KLHL7: variants seen among roughly 807,000 people sequenced by gnomAD.
The protein encoded by KLHL7 is kelch like family member 7.
KLHL7 carries 44 observed loss-of-function variants against 67.4 expected under a neutral mutation model. That is an observed-to-expected ratio of 0.65 (90% CI 0.51 to 0.84). KLHL7 has a LOEUF of 0.84. Ranked by LOEUF, KLHL7 falls within the 40% of genes least tolerant of loss-of-function variation. The pLI, the probability that KLHL7 is intolerant of heterozygous loss-of-function variation, is 0.00. For missense variants in KLHL7, 362 were observed against 718.1 expected (o/e 0.50, Z 5.67); for synonymous variants, 252 against 243.3 (o/e 1.04, Z -0.33).
intron 9 of KLHL7, among the ~76,000 whole-genome samples, chr7:23,168,734 G>A (rs1326477200): frequency 1.3e-5 from 2 of 152,100 alleles, no homozygotes; most frequent in African/African-American, 2.4e-5. Context: ...TACCCTAGTC[G>A]TACCTTTTAT....
chr7:23,143,070 G>T (rs909265510), intron 5 of KLHL7, among the ~76,000 whole-genome samples: 1 of 151,994 alleles, frequency 6.6e-6, no homozygotes, highest in African/African-American at 2.4e-5. Context: ...TTTAAAAAAA[G>T]ACCAATTCCC....
chr7:23,110,837 G>T (rs199586881), intron 1 of KLHL7, among the ~76,000 whole-genome samples: 2 of 135,050 alleles, frequency 1.5e-5, no homozygotes, highest in Admixed American at 8.8e-5. Flanking sequence ...CATTGTTCAA[G>T]TCCCACCTAT....
At chr7:23,159,539 T>C (rs1218052525) in intron 7 of KLHL7, among the ~76,000 whole-genome samples, 1 of 152,018 alleles carries the variant, frequency 6.6e-6, no homozygotes, top group Non-Finnish European at 1.5e-5. Context: ...ATTTTCTCCT[T>C]CTTCTTCTTT....
intron 7 of KLHL7, among the ~76,000 whole-genome samples, chr7:23,158,051 GA>G (rs1224709037): frequency 6.6e-6 from 1 of 152,136 alleles, no homozygotes; most frequent in African/African-American, 2.4e-5. Context: ...CTGCAGCCTT[GA>G]CCTCCCAGGC....
chr7:23,147,279 AG>A (rs1784388836), intron 6 of KLHL7, among the ~76,000 whole-genome samples: 1 of 151,924 alleles, frequency 6.6e-6, no homozygotes, highest in African/African-American at 2.4e-5. Context: ...TAGCAGAGAC[AG>A]GGTTTCGCCA....
chr7:23,175,199 A>G lies in KLHL7; in HGVS notation c.*901A>G, dbSNP rs1236122628. ...ATTCTTTTCCCTTAGCCAAAACATG[A>G]AATATTTAACCTAGTTGTCTCTAAA... On this transcript the variant is annotated 3_prime_UTR_variant, in exon 11 of 11. Transcript: ENST00000339077. 1 of 453,994 alleles carries G rather than the reference A, an allele frequency of 2.2e-6. No individual in the cohort carries two copies. Among genetic ancestry groups the G allele is most frequent in the African/African-American group, 2.0e-5 (1 of 50,016 alleles). The allele number at this position is 453,994 out of a possible 1,614,324, so 28.1% of individuals were successfully genotyped here.
In KLHL7 at chr7:23,146,236, C is replaced by G. The variant is rs558684480; in HGVS notation, c.793+2211C>G. On this transcript the variant is annotated intron_variant, in intron 6 of 10. Transcript: ENST00000339077. Reference sequence around the variant, plus strand: ...TAGAGTTATCTTGTTTTCATCCCTACCTGCACTTCTAGGTACTTAGTATCT... The same window carrying G: ...TAGAGTTATCTTGTTTTCATCCCTAGCTGCACTTCTAGGTACTTAGTATCT... 4.1e-4 allele frequency among the ~76,000 whole-genome samples: 63 copies of G among 152,338 alleles called. 1 individual carries two copies. The highest frequency in any genetic ancestry group is 1.5e-3 in the African/African-American group (62 of 41,586).
At chr7:23,165,966 G>T in intron 8 of KLHL7, 28 bp downstream of exon 8, 3 of 1,613,000 alleles carry the variant, frequency 1.9e-6, no homozygotes, top group Non-Finnish European at 2.5e-6. Context: ...ATTTTGGTTT[G>T]GGGCATATGC....
At chr7:23,149,034 C>T (rs1164061650) in intron 6 of KLHL7, among the ~76,000 whole-genome samples, 1 of 151,932 alleles carries the variant, frequency 6.6e-6, no homozygotes, top group Non-Finnish European at 1.5e-5. Flanking sequence ...GTTGCCTTTC[C>T]AGAGTAGAAG....
chr7:23,159,430 A>G (rs1316748654), intron 7 of KLHL7, among the ~76,000 whole-genome samples: 5 of 152,062 alleles, frequency 3.3e-5, no homozygotes, highest in Non-Finnish European at 7.4e-5. Context: ...TTGGCCTCCC[A>G]AAGCACTGGG....
chr7:23,165,613 T>C, intron 7 of KLHL7, 85 bp from the exon 8 acceptor site: 4 of 1,411,408 alleles, frequency 2.8e-6, no homozygotes, highest in Non-Finnish European at 4.0e-6. Flanking sequence ...CATATTCTTA[T>C]ATGTTTTTTG....
At chr7:23,112,303 A>C (rs1782907955) in intron 1 of KLHL7, among the ~76,000 whole-genome samples, 1 of 152,244 alleles carries the variant, frequency 6.6e-6, no homozygotes, top group African/African-American at 2.4e-5. Context: ...GGAAAGGATT[A>C]TAATTTGTGT....
Position 23,140,785 on chromosome 7 carries a change from G to A in KLHL7, c.459G>A (p.Ala153=), listed in dbSNP as rs150030941. Residue 153 remains alanine, a synonymous_variant, in exon 5 of 11, where the codon GCG becomes GCA. Transcript: ENST00000339077. ...TGTGTTTAGGTATAAGTGTGCTAGCGGAGTGTCTAGATTGTCCTGAATTGA... is the reference window on the plus strand; with the variant it reads ...TGTGTTTAGGTATAAGTGTGCTAGCAGAGTGTCTAGATTGTCCTGAATTGA... ...ASNCLGISVL[A]ECLDCPELKA... The A allele has an allele frequency of 7.2e-4, 1,157 of 1,613,556 alleles. 6 individuals are homozygous for A. The African/African-American group carries it at 0.013, about 18-fold the overall frequency.
intron 7 of KLHL7, among the ~76,000 whole-genome samples, chr7:23,154,785 A>T (rs1246616983): frequency 6.6e-6 from 1 of 152,234 alleles, no homozygotes; most frequent in African/African-American, 2.4e-5. Context: ...AATATGCGTT[A>T]GCCAAAGTGT....
chr7:23,169,993 T>A (rs1227656257), intron 9 of KLHL7, among the ~76,000 whole-genome samples: 2 of 152,196 alleles, frequency 1.3e-5, no homozygotes, highest in Admixed American at 1.3e-4. Context: ...GTGGATCGTC[T>A]AAGGTCAGGA....
chr7:23,138,281 G>A (rs922806964), intron 4 of KLHL7, among the ~76,000 whole-genome samples: 2 of 151,590 alleles, frequency 1.3e-5, no homozygotes, highest in African/African-American at 4.8e-5. Context: ...GGCCAAGATG[G>A]TGAAACCCCG....
At chr7:23,169,683 TA>T (rs1785100104) in intron 9 of KLHL7, among the ~76,000 whole-genome samples, 4 of 152,310 alleles carry the variant, frequency 2.6e-5, no homozygotes, top group African/African-American at 9.6e-5. Flanking sequence ...TTGTTCAAAG[TA>T]AAAATATAAA....
At chr7:23,172,262 A>T (rs1785186354) in intron 9 of KLHL7, 1 of 439,184 alleles carries the variant, frequency 2.3e-6, no homozygotes, top group Non-Finnish European at 4.6e-6. Context: ...TATATGCATA[A>T]TGCTGCAACC....
rs781780705 is a variant in KLHL7, at chr7:23,171,113, G to C, written c.1380-1835G>C. The C allele has an allele frequency of 3.5e-5, 10 of 281,704 alleles. No individual in the cohort carries two copies. The Middle Eastern group carries it at 1.2e-3, about 34-fold the overall frequency. The allele number at this position is 281,704 out of a possible 1,614,324, so 17.5% of individuals were successfully genotyped here. Reference sequence around the variant, plus strand: ...GTAGAGACGGGGTTTCACCATGTTGGCCAGGATGGCCTCCATCTCTTGACC... The same window carrying C: ...GTAGAGACGGGGTTTCACCATGTTGCCCAGGATGGCCTCCATCTCTTGACC... On this transcript the variant is annotated intron_variant, in intron 9 of 10. Transcript: ENST00000339077.
Sources: gnomAD v4.1 joint callset for allele counts (sites outside exome capture counted in the v4.1 genomes callset) on GRCh38, gnomAD v4.1.1 for gene constraint, MANE v1.5 for transcripts, NCBI Gene and HGNC (gene_info 2026-07-23, HGNC 2026-07-21) for gene names.